Variants in PIK3C3 observed in about 807,000 individuals in gnomAD.
The protein encoded by PIK3C3 is phosphatidylinositol 3-kinase catalytic subunit type 3.
Under a neutral mutation model 126.1 loss-of-function variants are expected in PIK3C3, and 95 were observed. The ratio of observed to expected loss-of-function variants is 0.75; its 90% CI spans 0.64 to 0.89. The LOEUF (loss-of-function observed/expected upper bound fraction) is 0.89, where lower values mean the gene tolerates loss of function less well. Among genes scored for constraint, PIK3C3 ranks in the 40% least tolerant of loss-of-function variants. The pLI, the probability that PIK3C3 is intolerant of heterozygous loss-of-function variation, is 0.00. For missense variants in PIK3C3, 829 were observed against 1,063.2 expected (o/e 0.78, Z 3.06); for synonymous variants, 374 against 360.0 (o/e 1.04, Z -0.44).
At chr18:42,068,727 T>G (rs1360578117) in intron 24 of PIK3C3, among the ~76,000 whole-genome samples, 2 of 151,868 alleles carry the variant, frequency 1.3e-5, no homozygotes, top group African/African-American at 2.4e-5. Context: ...AAGGAGGGTG[T>G]ATCACGAGAT....
intron 20 of PIK3C3, among the ~76,000 whole-genome samples, chr18:42,046,255 G>A (rs1380399173): frequency 6.6e-6 from 1 of 152,050 alleles, no homozygotes; most frequent in African/African-American, 2.4e-5. Context: ...ATGGCTTCCT[G>A]TATGACAAAA....
chr18:41,961,844 ATATT>A (rs1980104031), intron 2 of PIK3C3, among the ~76,000 whole-genome samples: 1 of 152,180 alleles, frequency 6.6e-6, no homozygotes, highest in South Asian at 2.1e-4. Flanking sequence ...GTCATTAACT[ATATT>A]ATTATTAACA....
intron 9 of PIK3C3, among the ~76,000 whole-genome samples, chr18:42,001,936 AAGTT>A (rs1470298945): frequency 6.6e-6 from 1 of 152,206 alleles, no homozygotes; most frequent in Admixed American, 6.5e-5. Flanking sequence ...TTCATGGAAT[AAGTT>A]AGTAGGGCAA....
At chr18:42,015,070 TTG>T (rs1437773332) in intron 11 of PIK3C3, among the ~76,000 whole-genome samples, 9 of 152,310 alleles carry the variant, frequency 5.9e-5, no homozygotes, top group East Asian at 1.9e-4. Context: ...GTCACTAATT[TTG>T]TGTGTTTCTT....
At chr18:42,043,614 C>CAT in intron 19 of PIK3C3, 119 bp from the exon 20 acceptor site, 1 of 619,782 alleles carries the variant, frequency 1.6e-6, no homozygotes, top group Non-Finnish European at 2.9e-6. Context: ...CAGCATCTCT[C>CAT]ATACTGTATT....
chr18:42,023,822 T>C (rs996314606), intron 13 of PIK3C3, among the ~76,000 whole-genome samples: 14 of 152,236 alleles, frequency 9.2e-5, no homozygotes, highest in African/African-American at 2.9e-4. Flanking sequence ...ATAGAAATTT[T>C]AATTGTGCTG....
chr18:41,961,967 G>A (rs537407604), intron 2 of PIK3C3, among the ~76,000 whole-genome samples: 9 of 152,064 alleles, frequency 5.9e-5, no homozygotes, highest in Non-Finnish European at 1.2e-4. Flanking sequence ...GAAAATTCTC[G>A]CATAAGAAGT....
At position 42,015,519 on chromosome 18, in the gene PIK3C3, C is replaced by T. The variant is rs1162259914; in HGVS notation, c.1369C>T (p.Pro457Ser). 6.2e-7 allele frequency: 1 copy of T among 1,613,770 alleles called. No homozygotes were observed. Among genetic ancestry groups the T allele is most frequent in the Admixed American group, 1.7e-5 (1 of 59,996 alleles). The change falls in exon 12 of 25, where the codon CCT becomes TCT. Residue 457 changes from proline (P) to serine (S), a missense_variant. Physicochemically the swap from Pro to Ser is moderately conservative, Grantham distance 74. Transcript: ENST00000262039. ...TSPLPSVSSP[P>S]PASKTKEVPD... is the part of the protein sequence containing the mutation. The stretch of plus-strand genomic sequence containing the variant: ...CCCCCTTCCTTCAGTCTCTTCACCT[C>T]CTCCTGCATCAAAAACAAAAGAAGT...
intron 2 of PIK3C3, among the ~76,000 whole-genome samples, chr18:41,961,868 C>T (rs1980105891): frequency 6.6e-6 from 1 of 152,048 alleles, no homozygotes; most frequent in Non-Finnish European, 1.5e-5. Context: ...AAACATTCCT[C>T]AGTGAAAGAA....
In PIK3C3 at chr18:42,027,275, C is replaced by T. The variant is rs532070815; in HGVS notation, c.1485-168C>T. On this transcript the variant is annotated intron_variant, in intron 13 of 24. Coordinates refer to ENST00000262039, the MANE Select transcript of PIK3C3 (RefSeq NM_002647.4). ...CTTTTATTGATGGTTGTATGTGTTC[C>T]TCTTTAAGTTTTCACTTTTAAAAGT... The T allele has an allele frequency of 1.3e-4, 47 of 371,268 alleles. No individual in the cohort carries two copies. In the Middle Eastern group the frequency reaches 2.2e-3, roughly 18 times the overall value. The allele number at this position is 371,268 out of a possible 1,614,324, so 23.0% of individuals were successfully genotyped here. A position where few individuals can be genotyped will look rare whatever the true frequency, so the allele number is the denominator to read the frequency against.
intron 4 of PIK3C3, among the ~76,000 whole-genome samples, chr18:41,976,831 A>G (rs1980945009): frequency 6.6e-6 from 1 of 152,234 alleles, no homozygotes; most frequent in Non-Finnish European, 1.5e-5. Flanking sequence ...TTTTAAATTC[A>G]TGAAAAGATG....
intron 24 of PIK3C3, among the ~76,000 whole-genome samples, chr18:42,076,178 GCACATATATATATGCA>G (rs1183488314): frequency 2.4e-4 from 19 of 80,090 alleles, no homozygotes; most frequent in African/African-American, 3.6e-4. Context: ...ATATATATAT[GCACATATATATATGCA>G]CACATATATA....
intron 23 of PIK3C3, among the ~76,000 whole-genome samples, chr18:42,066,814 C>T (rs747726769): frequency 3.9e-5 from 6 of 151,916 alleles, no homozygotes; most frequent in Non-Finnish European, 8.8e-5. Flanking sequence ...TCTTTGGAAA[C>T]GATAGACCTA....
chr18:41,990,674 A>C, intron 6 of PIK3C3, 120 bp downstream of exon 6: 2 of 610,988 alleles, frequency 3.3e-6, no homozygotes, highest in South Asian at 4.0e-5. Context: ...GACAGCTGTC[A>C]GCAGCAGCTG....
chr18:41,956,295 A>G (rs558070505), intron 1 of PIK3C3, among the ~76,000 whole-genome samples: 2 of 152,308 alleles, frequency 1.3e-5, no homozygotes, highest in South Asian at 4.1e-4. Context: ...ATTCGCTGAC[A>G]AATACTTTAC....
intron 11 of PIK3C3, among the ~76,000 whole-genome samples, chr18:42,014,434 C>T (rs1982979896): frequency 6.6e-6 from 1 of 152,174 alleles, no homozygotes; most frequent in Non-Finnish European, 1.5e-5. Flanking sequence ...CGTGTCCACA[C>T]ACATTATCGT....
At chr18:41,978,808 G>A (rs1418338810) in intron 4 of PIK3C3, among the ~76,000 whole-genome samples, 1 of 152,048 alleles carries the variant, frequency 6.6e-6, no homozygotes, top group East Asian at 1.9e-4. Context: ...CCTAGTCCTG[G>A]AAAGTTAACT....
chr18:42,077,210 T>C (rs987159846), intron 24 of PIK3C3, among the ~76,000 whole-genome samples: 4 of 152,234 alleles, frequency 2.6e-5, no homozygotes, highest in Non-Finnish European at 4.4e-5. Flanking sequence ...AGTTGTAATC[T>C]TTTTGCTGGT....
At chr18:41,966,653 C>T (rs2144304033) in intron 3 of PIK3C3, among the ~76,000 whole-genome samples, 1 of 152,118 alleles carries the variant, frequency 6.6e-6, no homozygotes, top group East Asian at 1.9e-4. Context: ...GAAATTGAAG[C>T]AAAAGAATCC....
Sources: gnomAD v4.1 joint callset for allele counts (sites outside exome capture counted in the v4.1 genomes callset) on GRCh38, gnomAD v4.1.1 for gene constraint, MANE v1.5 for transcripts, NCBI Gene and HGNC (gene_info 2026-07-23, HGNC 2026-07-21) for gene names.